The following CALN1 variants were observed in gnomAD, a reference collection of about 807,000 sequenced individuals.
CALN1 encodes the protein calneuron 1, also known as calcium-binding protein 8.
CALN1 carries 17 observed loss-of-function variants against 30.6 expected under a neutral mutation model. That is an observed-to-expected ratio of 0.56 (90% CI 0.38 to 0.83). The LOEUF is 0.83. Among genes scored for constraint, CALN1 ranks in the 40% least tolerant of loss-of-function variants. The pLI, the probability that CALN1 is intolerant of heterozygous loss-of-function variation, is 0.00. For synonymous variants in CALN1, 156 were observed against 131.4 expected, an observed-to-expected ratio of 1.19 and a Z score of -1.28; for missense variants, 291 against 354.9, an observed-to-expected ratio of 0.82 and a Z score of 1.45.
chr7:71,873,426 T>C (rs540367715), intron 5 of CALN1, among the ~76,000 whole-genome samples: 4 of 152,188 alleles, frequency 2.6e-5, no homozygotes, highest in African/African-American at 9.7e-5. Context: ...GCTATTTCCC[T>C]TTATAAATTG....
intron 3 of CALN1, among the ~76,000 whole-genome samples, chr7:72,123,404 G>C (rs1462462266): frequency 6.6e-6 from 1 of 152,206 alleles, no homozygotes; most frequent in Non-Finnish European, 1.5e-5. Context: ...CTCCTCTTCT[G>C]TTGTGTGATT....
At chr7:72,144,443 A>C (rs1293927523) in intron 3 of CALN1, among the ~76,000 whole-genome samples, 1 of 152,198 alleles carries the variant, frequency 6.6e-6, no homozygotes, top group African/African-American at 2.4e-5. Flanking sequence ...ATATATATGC[A>C]CCCAATACAG....
intron 4 of CALN1, among the ~76,000 whole-genome samples, chr7:72,045,852 T>A (rs758761838): frequency 6.6e-6 from 1 of 150,778 alleles, no homozygotes; most frequent in Non-Finnish European, 1.5e-5. Context: ...ATACAAAAAT[T>A]AGCTGGGTGT....
chr7:72,248,020 A>G (rs969157992), intron 3 of CALN1, among the ~76,000 whole-genome samples: 2 of 152,190 alleles, frequency 1.3e-5, no homozygotes, highest in African/African-American at 4.8e-5. Flanking sequence ...AGAAAAACAC[A>G]AATGTATCAT....
intron 3 of CALN1, among the ~76,000 whole-genome samples, chr7:72,127,166 G>A (rs1488287201): frequency 1.3e-5 from 2 of 151,856 alleles, no homozygotes; most frequent in Admixed American, 1.3e-4. Flanking sequence ...GGGGACATCT[G>A]AGCAAAGACT....
intron 2 of CALN1, among the ~76,000 whole-genome samples, chr7:72,310,920 AAAAAAAAAC>A (rs1350439005): frequency 6.6e-6 from 1 of 151,204 alleles, no homozygotes; most frequent in African/African-American, 2.4e-5. Context: ...AAAAAAAAAA[AAAAAAAAAC>A]AAAAATAAAG....
At chr7:72,407,357 T>C (rs886268571) in intron 1 of CALN1, among the ~76,000 whole-genome samples, 1 of 152,182 alleles carries the variant, frequency 6.6e-6, no homozygotes, top group African/African-American at 2.4e-5. Context: ...TGGATTTGTG[T>C]CCCCACCCAA....
intron 3 of CALN1, among the ~76,000 whole-genome samples, chr7:72,234,352 T>C (rs1794331713): frequency 6.6e-6 from 1 of 152,216 alleles, no homozygotes. Flanking sequence ...CTAGCACATA[T>C]GAGGCCATTA....
chr7:72,390,808 A>AG (rs1733897072), intron 2 of CALN1, among the ~76,000 whole-genome samples: 1 of 152,048 alleles, frequency 6.6e-6, no homozygotes, highest in African/African-American at 2.4e-5. Context: ...ATGTGTTATT[A>AG]TATCAACACA....
chr7:72,378,555 G>C (rs544202312), intron 2 of CALN1, among the ~76,000 whole-genome samples: 2 of 152,118 alleles, frequency 1.3e-5, no homozygotes, highest in Admixed American at 1.3e-4. Context: ...ACTTCAAGTA[G>C]AATGTAAAAA....
At chr7:72,495,749 T>C in the CALN1 span, among the ~76,000 whole-genome samples, 3 of 152,230 alleles carry the variant, frequency 2.0e-5, no homozygotes, top group African/African-American at 7.2e-5. Context: ...CGAAATACAA[T>C]TGAAAAGATG....
At chr7:72,163,935 C>T (rs1788324476) in intron 3 of CALN1, among the ~76,000 whole-genome samples, 1 of 149,880 alleles carries the variant, frequency 6.7e-6, no homozygotes, top group African/African-American at 2.5e-5. Context: ...AAGATAAAGG[C>T]AAAAAGAAAG....
At chr7:72,371,101 T>C (rs1169727855) in intron 2 of CALN1, among the ~76,000 whole-genome samples, 3 of 151,550 alleles carry the variant, frequency 2.0e-5, no homozygotes, top group African/African-American at 4.8e-5. Flanking sequence ...GTCTGGTATA[T>C]TAATTTGTTC....
At chr7:72,070,176 A>G (rs1045994798) in intron 4 of CALN1, among the ~76,000 whole-genome samples, 3 of 152,226 alleles carry the variant, frequency 2.0e-5, no homozygotes, top group African/African-American at 7.2e-5. Flanking sequence ...TCAGTCAACT[A>G]TAACAACACA....
intron 1 of CALN1, among the ~76,000 whole-genome samples, chr7:72,422,580 G>A (rs1028568083): frequency 4.6e-5 from 7 of 152,132 alleles, no homozygotes; most frequent in Admixed American, 2.6e-4. Context: ...CACTTCCCTC[G>A]TCCTCCGCAA....
intron 3 of CALN1, among the ~76,000 whole-genome samples, chr7:72,190,742 C>T (rs1790537938): frequency 6.6e-6 from 1 of 152,172 alleles, no homozygotes; most frequent in South Asian, 2.1e-4. Context: ...TTATCAGATG[C>T]CTCCTGGGAG....
rs116508657 is a variant in CALN1 at position 72,217,507 on chromosome 7, G to C, written c.244+61179C>G. ...TCTTCAAAGAGCAAAGTGTGGGAGAGTGCAAAACAGAGTCAAAACTGAAGA... is the reference window on the plus strand; with the variant it reads ...TCTTCAAAGAGCAAAGTGTGGGAGACTGCAAAACAGAGTCAAAACTGAAGA... On this transcript the variant is annotated intron_variant, in intron 3 of 6. Coordinates refer to ENST00000395275, the MANE Select transcript of CALN1 (RefSeq NM_031468.4). 7.4e-3 allele frequency among the ~76,000 whole-genome samples: 1,133 copies of C among 152,298 alleles called. 18 individuals are homozygous for C. The highest frequency in any genetic ancestry group is 0.025 in the African/African-American group (1,024 of 41,580).
chr7:71,969,296 C>T (rs1424624913), intron 5 of CALN1, among the ~76,000 whole-genome samples: 1 of 152,144 alleles, frequency 6.6e-6, no homozygotes, highest in Non-Finnish European at 1.5e-5. Context: ...GGGTGTCTGA[C>T]ATGCATTCTC....
chr7:72,442,377 G>A (rs1380967982), intron 1 of CALN1, among the ~76,000 whole-genome samples: 20 of 152,208 alleles, frequency 1.3e-4, no homozygotes, highest in African/African-American at 2.4e-5. Context: ...TCATTCTGCT[G>A]CCACCTTTAT....
Sources: gnomAD v4.1 joint callset for allele counts (sites outside exome capture counted in the v4.1 genomes callset) on GRCh38, gnomAD v4.1.1 for gene constraint, MANE v1.5 for transcripts, NCBI Gene and HGNC (gene_info 2026-07-23, HGNC 2026-07-21) for gene names.